The following PIP4K2A variants were observed in gnomAD, a reference collection of about 807,000 sequenced individuals.
PIP4K2A encodes phosphatidylinositol-5-phosphate 4-kinase type 2 alpha.
In PIP4K2A, 14 loss-of-function variants were observed where a neutral mutation model predicts 42.9. That is an observed-to-expected ratio of 0.33 (90% CI 0.22 to 0.51). The LOEUF is 0.51. Ranked by LOEUF, PIP4K2A falls within the 20% of genes least tolerant of loss-of-function variation. The probability of loss-of-function intolerance (pLI) is 0.97; values close to 1 mark genes in which losing one functional copy is unlikely to be tolerated. For synonymous variants in PIP4K2A, 192 were observed against 192.2 expected (o/e 1.00, Z 0.01); for missense variants, 434 against 519.8 (o/e 0.83, Z 1.61).
chr10:22,539,892 AGAGAGAGAGAGAGAGAGAGG>A lies in PIP4K2A; in HGVS notation c.1140+59_1140+78del, dbSNP rs761310985. ...AGGTCACACAGAGGAGCCAGGAGAG[AGAGAGAGAGAGAGAGAGAGG>A]GAGAGAGAGAGAGAGAGAGGGAGAG... On this transcript the variant is annotated intron_variant, in intron 9 of 9. Transcript: ENST00000376573. 1.9e-3 allele frequency: 1,190 copies of A among 629,278 alleles called. 6 individuals are homozygous for A. The African/African-American group carries it at 0.027, about 14-fold the overall frequency. The allele number at this position is 629,278 out of a possible 1,614,324, so 39.0% of individuals were successfully genotyped here. A position where few individuals can be genotyped will look rare whatever the true frequency, so the allele number is the denominator to read the frequency against.
intron 3 of PIP4K2A, among the ~76,000 whole-genome samples, chr10:22,593,392 A>G (rs920786267): frequency 6.6e-6 from 1 of 152,254 alleles, no homozygotes; most frequent in African/African-American, 2.4e-5. Flanking sequence ...AAATAGCAAG[A>G]CTTGGCAGTG....
intron 4 of PIP4K2A, among the ~76,000 whole-genome samples, chr10:22,573,842 G>C (rs1448828700): frequency 1.3e-5 from 2 of 152,222 alleles, no homozygotes; most frequent in East Asian, 3.8e-4. Flanking sequence ...GGCTGAGGCA[G>C]AGCAACCTGG....
chr10:22,535,122 A>G lies in PIP4K2A; in HGVS notation c.*2079T>C, dbSNP rs1835887338. The G allele has an allele frequency of 6.6e-6, 1 of 152,254 alleles. No homozygotes were observed. The highest frequency in any genetic ancestry group is 1.5e-5 in the Non-Finnish European group (1 of 68,050). The allele number at this position is 152,254 out of a possible 1,614,324, so 9.4% of individuals were successfully genotyped here. On this transcript the variant is annotated 3_prime_UTR_variant, in exon 10 of 10. Coordinates refer to ENST00000376573, the MANE Select transcript of PIP4K2A (RefSeq NM_005028.5). Reference sequence around the variant, plus strand: ...AGACTGTTTGTTATAGACAAAAATAAAAGCATTCTGTAAACTTCTAAAAGC... The same window carrying G: ...AGACTGTTTGTTATAGACAAAAATAGAAGCATTCTGTAAACTTCTAAAAGC...
intron 4 of PIP4K2A, among the ~76,000 whole-genome samples, chr10:22,589,342 A>G (rs778542932): frequency 2.6e-5 from 4 of 152,266 alleles, no homozygotes; most frequent in Non-Finnish European, 5.9e-5. Context: ...ATTCATTCAG[A>G]TAACAGAGCC....
chr10:22,624,077 T>G (rs993833240), intron 1 of PIP4K2A, among the ~76,000 whole-genome samples: 1 of 152,216 alleles, frequency 6.6e-6, no homozygotes, highest in Admixed American at 6.5e-5. Flanking sequence ...GCAAGTCATT[T>G]AAAATCTAAG....
At chr10:22,549,370 A>C (rs187423844) in intron 7 of PIP4K2A, among the ~76,000 whole-genome samples, 3 of 146,590 alleles carry the variant, frequency 2.0e-5, no homozygotes, top group Admixed American at 1.4e-4. Context: ...TTTTTGGTTT[A>C]ATGACATAAA....
intron 1 of PIP4K2A, among the ~76,000 whole-genome samples, chr10:22,653,019 G>T (rs536689608): frequency 1.3e-5 from 2 of 152,108 alleles, no homozygotes; most frequent in African/African-American, 2.4e-5. Flanking sequence ...GCTCGAGCCC[G>T]TAAGTTTGAG....
chr10:22,643,061 A>C (rs982541164), intron 1 of PIP4K2A, among the ~76,000 whole-genome samples: 1 of 152,148 alleles, frequency 6.6e-6, no homozygotes, highest in Non-Finnish European at 1.5e-5. Flanking sequence ...GGAGGAGTGG[A>C]AACACCTAGT....
intron 1 of PIP4K2A, among the ~76,000 whole-genome samples, chr10:22,660,714 C>T (rs1243523718): frequency 1.3e-5 from 2 of 152,030 alleles, no homozygotes; most frequent in African/African-American, 2.4e-5. Flanking sequence ...CCTTTCCTTA[C>T]ATTTTTCTTT....
chr10:22,574,277 C>G (rs1350793149), intron 4 of PIP4K2A, among the ~76,000 whole-genome samples: 1 of 152,182 alleles, frequency 6.6e-6, no homozygotes, highest in East Asian at 1.9e-4. Context: ...CAAAAAAGCT[C>G]TATGTCCACT....
intron 4 of PIP4K2A, among the ~76,000 whole-genome samples, chr10:22,582,000 C>T (rs1837292364): frequency 6.6e-6 from 1 of 151,944 alleles, no homozygotes; most frequent in African/African-American, 2.4e-5. Flanking sequence ...CCTGTATTCC[C>T]AGCTACTTGG....
At chr10:22,637,627 G>T (rs1304870982) in intron 1 of PIP4K2A, among the ~76,000 whole-genome samples, 1 of 152,170 alleles carries the variant, frequency 6.6e-6, no homozygotes, top group East Asian at 1.9e-4. Flanking sequence ...AGGTTCAATG[G>T]CTGGATGGAA....
At chr10:22,695,436 C>A (rs534059613) in intron 1 of PIP4K2A, among the ~76,000 whole-genome samples, 1 of 152,118 alleles carries the variant, frequency 6.6e-6, no homozygotes, top group East Asian at 1.9e-4. Flanking sequence ...CCCAAACTCA[C>A]AAAAAGTGAC....
chr10:22,617,338 C>T (rs1050564346), intron 1 of PIP4K2A, among the ~76,000 whole-genome samples: 18 of 152,230 alleles, frequency 1.2e-4, no homozygotes, highest in African/African-American at 3.4e-4. Flanking sequence ...TCTGAAATTA[C>T]GGCATACAGG....
At chr10:22,573,958 G>T (rs768089601) in intron 4 of PIP4K2A, among the ~76,000 whole-genome samples, 4 of 152,212 alleles carry the variant, frequency 2.6e-5, no homozygotes, top group Non-Finnish European at 5.9e-5. Context: ...TCTCAAGAGA[G>T]CAGGGGAGAA....
chr10:22,611,155 G>A (rs920922373), intron 1 of PIP4K2A, among the ~76,000 whole-genome samples: 24 of 152,234 alleles, frequency 1.6e-4, no homozygotes, highest in African/African-American at 5.1e-4. Flanking sequence ...TTGGGAGGCT[G>A]AGGCAGGAGG....
intron 1 of PIP4K2A, among the ~76,000 whole-genome samples, chr10:22,664,240 C>T (rs1202291296): frequency 3.1e-5 from 4 of 130,322 alleles, no homozygotes; most frequent in East Asian, 4.3e-4. Flanking sequence ...CACACACACA[C>T]ACACACACAC....
At chr10:22,595,062 T>C (rs1837602646) in intron 3 of PIP4K2A, among the ~76,000 whole-genome samples, 1 of 152,168 alleles carries the variant, frequency 6.6e-6, no homozygotes, top group Non-Finnish European at 1.5e-5. Flanking sequence ...TAAAAATACA[T>C]AAATCAAGTG....
chr10:22,664,106 T>C lies in PIP4K2A; in HGVS notation c.144+50077A>G, dbSNP rs867281150. 6.2e-4 allele frequency among the ~76,000 whole-genome samples: 44 copies of C among 71,180 alleles called. 1 individual carries two copies. Among genetic ancestry groups the C allele is most frequent in the African/African-American group, 1.9e-3 (16 of 8,208 alleles). 46.7% of individuals were successfully genotyped at this position (71,180 alleles called of 152,430 possible). A position where few individuals can be genotyped will look rare whatever the true frequency, so the allele number is the denominator to read the frequency against. On this transcript the variant is annotated intron_variant, in intron 1 of 9. Transcript: ENST00000376573. ...ATATATATACATATATATATATACA[T>C]ATATATATACATATATATATATACA... is the stretch of plus-strand genomic sequence containing the variant.
Sources: gnomAD v4.1 joint callset for allele counts (sites outside exome capture counted in the v4.1 genomes callset) on GRCh38, gnomAD v4.1.1 for gene constraint, MANE v1.5 for transcripts, NCBI Gene and HGNC (gene_info 2026-07-23, HGNC 2026-07-21) for gene names.